Variants in TRPC4AP observed in about 807,000 individuals in gnomAD.
TRPC4AP encodes the protein transient receptor potential cation channel subfamily C member 4 associated protein, also known as short transient receptor potential channel 4-associated protein.
In TRPC4AP, 45 loss-of-function variants were observed where a neutral mutation model predicts 99.0. The ratio of observed to expected loss-of-function variants is 0.45; its 90% CI spans 0.36 to 0.58. The LOEUF (loss-of-function observed/expected upper bound fraction) is 0.58, where lower values mean the gene tolerates loss of function less well. Ranked by LOEUF, TRPC4AP falls within the 20% of genes least tolerant of loss-of-function variation. The pLI, the probability that TRPC4AP is intolerant of heterozygous loss-of-function variation, is 0.00. For missense variants in TRPC4AP, 879 were observed against 985.3 expected (o/e 0.89, Z 1.44); for synonymous variants, 408 against 385.8 (o/e 1.06, Z -0.67).
At chr20:35,011,873 T>G (rs2082646146) in intron 11 of TRPC4AP, among the ~76,000 whole-genome samples, 1 of 152,218 alleles carries the variant, frequency 6.6e-6, no homozygotes, top group Non-Finnish European at 1.5e-5. Flanking sequence ...CTGGACCCTG[T>G]CAAATGTCTC....
intron 1 of TRPC4AP, among the ~76,000 whole-genome samples, chr20:35,081,883 G>A (rs2146026545): frequency 6.6e-6 from 1 of 152,258 alleles, no homozygotes; most frequent in South Asian, 2.1e-4. Flanking sequence ...TACTCGAGAG[G>A]CTGAGGCAGG....
chr20:35,022,498 G>A (rs1418370698), intron 8 of TRPC4AP, among the ~76,000 whole-genome samples: 1 of 152,204 alleles, frequency 6.6e-6, no homozygotes, highest in Non-Finnish European at 1.5e-5. Flanking sequence ...AGAGTCAGGA[G>A]AGGCTAGGTG....
At chr20:35,063,103 A>G (rs1600625240) in intron 3 of TRPC4AP, among the ~76,000 whole-genome samples, 1 of 152,234 alleles carries the variant, frequency 6.6e-6, no homozygotes, top group Admixed American at 6.5e-5. Context: ...TGTTCTCGTG[A>G]TAACGAGGGA....
At chr20:35,032,279 C>G (rs2083214279) in intron 8 of TRPC4AP, among the ~76,000 whole-genome samples, 1 of 152,170 alleles carries the variant, frequency 6.6e-6, no homozygotes, top group Non-Finnish European at 1.5e-5. Flanking sequence ...CCCGCCTCAG[C>G]CTCCCAAAGT....
intron 6 of TRPC4AP, among the ~76,000 whole-genome samples, chr20:35,046,582 T>C (rs906906085): frequency 3.9e-5 from 6 of 152,204 alleles, no homozygotes; most frequent in African/African-American, 1.4e-4. Flanking sequence ...TATCAGTGAA[T>C]GTGCCCAAAA....
At chr20:35,079,221 T>C (rs891665635) in intron 1 of TRPC4AP, among the ~76,000 whole-genome samples, 1 of 152,074 alleles carries the variant, frequency 6.6e-6, no homozygotes, top group African/African-American at 2.4e-5. Flanking sequence ...CAAGAAGACA[T>C]AACAATCCTT....
rs1292109317 is a variant in TRPC4AP, at chr20:35,002,768, C to T, written c.*378G>A. On this transcript the variant is annotated 3_prime_UTR_variant, in exon 19 of 19. Coordinates refer to ENST00000252015, the MANE Select transcript of TRPC4AP (RefSeq NM_015638.3). Reference sequence around the variant, plus strand: ...GGCCAGGGACAAGGGAGGCTTGGCTCACAGATGGGGGGTGGGGGTCACCCA... The same window carrying T: ...GGCCAGGGACAAGGGAGGCTTGGCTTACAGATGGGGGGTGGGGGTCACCCA... The T allele has an allele frequency of 1.0e-5, 2 of 195,204 alleles. No homozygotes were observed. The highest frequency in any genetic ancestry group is 2.1e-5 in the Non-Finnish European group (2 of 95,020). 12.1% of individuals were successfully genotyped at this position (195,204 alleles called of 1,614,324 possible).
At chr20:35,017,567 C>T (rs758568639) in intron 9 of TRPC4AP, among the ~76,000 whole-genome samples, 2 of 152,158 alleles carry the variant, frequency 1.3e-5, no homozygotes, top group Non-Finnish European at 2.9e-5. Flanking sequence ...CACCAGTGCT[C>T]GCTTATTGCT....
chr20:35,051,615 TAAAAAA>T (rs56666362), intron 5 of TRPC4AP, among the ~76,000 whole-genome samples: 1 of 115,422 alleles, frequency 8.7e-6, no homozygotes, highest in Non-Finnish European at 1.9e-5. Flanking sequence ...ACTGACACAT[TAAAAAA>T]AAAAAAAAAA....
chr20:35,029,628 C>CTTTTT (rs35372826), intron 8 of TRPC4AP, among the ~76,000 whole-genome samples: 1,279 of 39,614 alleles, frequency 0.032, 55 homozygotes, highest in Non-Finnish European at 0.036. Context: ...AAGTTACTTT[C>CTTTTT]TTTTTTTTTT....
In TRPC4AP at chr20:35,008,717, T is replaced by G. The variant is rs1327094056; in HGVS notation, c.1542A>C (p.Leu514Phe). ...TCATGACCTGCAGCAGACGAGTTAA[T>G]AAGCCCCTCTTCCCATCACACACCA... ...RSLVCDGKRGLLTRLLQVMKK... is the reference protein window; with the variant it reads ...RSLVCDGKRGFLTRLLQVMKK... Residue 514 changes from leucine to phenylalanine, a missense_variant, in exon 13 of 19, where the codon TTA becomes TTC. Around this residue, in one of 3 missense-constraint regions of TRPC4AP, gnomAD observed 603 missense variants for 631.8 expected, o/e 0.95. Transcript: ENST00000252015. 6.2e-7 allele frequency: 1 copy of G among 1,613,908 alleles called. No individual in the cohort carries two copies. The highest frequency in any genetic ancestry group is 1.3e-5 in the African/African-American group (1 of 74,896).
chr20:35,010,333 C>A, intron 11 of TRPC4AP, 45 bp from the exon 12 acceptor site: 1 of 1,545,864 alleles, frequency 6.5e-7, no homozygotes, highest in Non-Finnish European at 8.9e-7. Context: ...GGAACTGGGG[C>A]TGCTGGGTCA....
At chr20:35,021,447 T>C (rs1223474609) in intron 8 of TRPC4AP, 91 bp from the exon 9 acceptor site, 4 of 1,434,446 alleles carry the variant, frequency 2.8e-6, no homozygotes, top group Non-Finnish European at 3.8e-6. Flanking sequence ...ACTTGTAGCA[T>C]GGCCATTCGG....
At chr20:35,008,898 G>C (rs1438286421) in intron 12 of TRPC4AP, 151 bp from the exon 13 acceptor site, 1 of 651,390 alleles carries the variant, frequency 1.5e-6, no homozygotes, top group Non-Finnish European at 2.6e-6. Context: ...CCAGAGCCCC[G>C]GAGACCCCTG....
chr20:35,071,181 C>A (rs2084304767), intron 2 of TRPC4AP, among the ~76,000 whole-genome samples: 1 of 152,146 alleles, frequency 6.6e-6, no homozygotes, highest in Non-Finnish European at 1.5e-5. Flanking sequence ...AAATAACTTA[C>A]TATGTGATAT....
intron 8 of TRPC4AP, among the ~76,000 whole-genome samples, chr20:35,022,683 C>T (rs1252438292): frequency 6.6e-6 from 1 of 152,070 alleles, no homozygotes; most frequent in Non-Finnish European, 1.5e-5. Flanking sequence ...AAGGCTCATA[C>T]AGAAAACACA....
At position 35,003,164 on chromosome 20, in the gene TRPC4AP, C is replaced by T. The variant is rs1198397313; in HGVS notation, c.2376G>A (p.Arg792=). Reference sequence around the variant, plus strand: ...CCCAAGGTCACTCCTCAGTGAAGTCCCTGTCTATGTCCATGTAGGGCTCCT... The same window carrying T: ...CCCAAGGTCACTCCTCAGTGAAGTCTCTGTCTATGTCCATGTAGGGCTCCT... ...YIEEPYMDID[R]DFTEE is the part of the protein sequence containing the mutation. The change falls in exon 19 of 19, where the codon AGG becomes AGA. Residue 792 remains arginine, a synonymous_variant. Coordinates refer to ENST00000252015, the MANE Select transcript of TRPC4AP (RefSeq NM_015638.3). 8 of 1,614,204 alleles carry T rather than the reference C, an allele frequency of 5.0e-6. No individual in the cohort carries two copies. In the South Asian group the frequency reaches 6.6e-5, roughly 13 times the overall value.
chr20:35,011,797 C>A (rs575765465), intron 11 of TRPC4AP, among the ~76,000 whole-genome samples: 67 of 152,332 alleles, frequency 4.4e-4, no homozygotes, highest in South Asian at 2.9e-3. Context: ...TACAAGCTGA[C>A]ACTTCAGGTC....
At chr20:35,026,094 G>A (rs899445514) in intron 8 of TRPC4AP, among the ~76,000 whole-genome samples, 4 of 152,150 alleles carry the variant, frequency 2.6e-5, no homozygotes, top group Non-Finnish European at 5.9e-5. Context: ...TAATAAGCAT[G>A]AGGGTTTATT....
Sources: gnomAD v4.1 joint callset for allele counts (sites outside exome capture counted in the v4.1 genomes callset) on GRCh38, gnomAD v4.1.1 for gene constraint, gnomAD v4.1.1 regional missense constraint, MANE v1.5 for transcripts, NCBI Gene and HGNC (gene_info 2026-07-23, HGNC 2026-07-21) for gene names.